The following GNAQ variants were observed in gnomAD, a reference collection of about 807,000 sequenced individuals.
GNAQ encodes guanine nucleotide-binding protein G(q) subunit alpha.
In GNAQ, 8 loss-of-function variants were observed where a neutral mutation model predicts 43.9. The ratio of observed to expected loss-of-function variants is 0.18; its 90% confidence interval spans 0.11 to 0.33. The LOEUF (loss-of-function observed/expected upper bound fraction) is 0.33, where lower values mean the gene tolerates loss of function less well. GNAQ is among the 10% of genes least tolerant of loss of function. GNAQ has a pLI of 1.00. For missense variants in GNAQ, 158 were observed against 450.8 expected (o/e 0.35, Z 5.88); for synonymous variants, 155 against 170.7 (o/e 0.91, Z 0.71).
At chr9:78,026,651 C>G (rs540323276) in intron 1 of GNAQ, among the ~76,000 whole-genome samples, 2 of 152,178 alleles carry the variant, frequency 1.3e-5, no homozygotes, top group African/African-American at 4.8e-5. Flanking sequence ...TAGGTTAATT[C>G]AGGCAATCAA....
At chr9:77,988,942 A>G (rs1194921728) in intron 1 of GNAQ, among the ~76,000 whole-genome samples, 1 of 152,212 alleles carries the variant, frequency 6.6e-6, no homozygotes, top group South Asian at 2.1e-4. Context: ...GATGAGTGTC[A>G]GCTATGGACT....
At chr9:77,956,486 T>C (rs1823042458) in intron 1 of GNAQ, among the ~76,000 whole-genome samples, 2 of 152,268 alleles carry the variant, frequency 1.3e-5, no homozygotes, top group South Asian at 2.1e-4. Flanking sequence ...CCTTTTAGTA[T>C]AGGATCCCTC....
chr9:77,933,384 G>A (rs1829180858), intron 1 of GNAQ, among the ~76,000 whole-genome samples: 2 of 152,168 alleles, frequency 1.3e-5, no homozygotes, highest in Non-Finnish European at 2.9e-5. Flanking sequence ...GGCATCATCT[G>A]GCCAGGAGCG....
At chr9:77,819,961 A>ACCTC (rs1827086117) in intron 2 of GNAQ, among the ~76,000 whole-genome samples, 1 of 151,582 alleles carries the variant, frequency 6.6e-6, no homozygotes, top group African/African-American at 2.4e-5. Flanking sequence ...CTTCCTAATT[A>ACCTC]CCTCCCTCTC....
At chr9:77,996,121 G>C (rs1823564402) in intron 1 of GNAQ, among the ~76,000 whole-genome samples, 2 of 152,190 alleles carry the variant, frequency 1.3e-5, no homozygotes, top group Admixed American at 1.3e-4. Flanking sequence ...CAGGGCTTGG[G>C]AGGCTGCAGA....
chr9:78,022,776 A>G (rs1054319573), intron 1 of GNAQ, among the ~76,000 whole-genome samples: 5 of 152,226 alleles, frequency 3.3e-5, no homozygotes, highest in African/African-American at 1.2e-4. Flanking sequence ...AAGAACGCAT[A>G]CTATAATGAA....
At chr9:77,931,926 T>C (rs918920689) in intron 1 of GNAQ, among the ~76,000 whole-genome samples, 2 of 151,634 alleles carry the variant, frequency 1.3e-5, no homozygotes, top group Non-Finnish European at 1.5e-5. Flanking sequence ...AATGAGAGAG[T>C]AGTCTGATAA....
At chr9:77,905,384 G>A (rs1267185087) in intron 2 of GNAQ, among the ~76,000 whole-genome samples, 1 of 152,118 alleles carries the variant, frequency 6.6e-6, no homozygotes, top group Non-Finnish European at 1.5e-5. Flanking sequence ...TACTGGATTA[G>A]AGTCTCTGGT....
At chr9:78,015,093 T>C (rs10781478) in intron 1 of GNAQ, among the ~76,000 whole-genome samples, 46,846 of 152,124 alleles carry the variant, frequency 0.31, 7,484 homozygotes, top group South Asian at 0.44. Context: ...AAGCTCCATT[T>C]ATGGTAAGTG....
intron 3 of GNAQ, among the ~76,000 whole-genome samples, chr9:77,799,883 T>C (rs1826715512): frequency 6.6e-6 from 1 of 152,196 alleles, no homozygotes; most frequent in Non-Finnish European, 1.5e-5. Context: ...GCTCCAATTA[T>C]TATAAAACTG....
intron 1 of GNAQ, among the ~76,000 whole-genome samples, chr9:77,948,084 A>G (rs940276934): frequency 5.3e-5 from 8 of 152,240 alleles, no homozygotes; most frequent in African/African-American, 1.9e-4. Context: ...ATTGTTATTA[A>G]TATTTATTTC....
chr9:77,803,633 T>G (rs563177088), intron 3 of GNAQ, among the ~76,000 whole-genome samples: 2 of 152,224 alleles, frequency 1.3e-5, no homozygotes, highest in African/African-American at 4.8e-5. Flanking sequence ...GATAGGAAGA[T>G]TCATTGGATA....
intron 2 of GNAQ, among the ~76,000 whole-genome samples, chr9:77,860,065 T>C (rs1048518414): frequency 6.6e-6 from 1 of 152,134 alleles, no homozygotes; most frequent in Non-Finnish European, 1.5e-5. Context: ...TTCAAAGGCG[T>C]CTAACGTCTC....
chr9:77,894,387 A>AAATATATATTTTATATATATATTTAATAG (rs1828462668), intron 2 of GNAQ, among the ~76,000 whole-genome samples: 2 of 1,036 alleles, frequency 1.9e-3, no homozygotes, highest in African/African-American at 5.4e-3. Flanking sequence ...ATTTAATAGA[A>AAATATATATTTTATATATATATTTAATAG]AAAAAATATA....
intron 5 of GNAQ, among the ~76,000 whole-genome samples, chr9:77,785,679 G>A (rs1826465564): frequency 6.6e-6 from 1 of 152,080 alleles, no homozygotes; most frequent in Admixed American, 6.5e-5. Flanking sequence ...TAACAATACT[G>A]TCAGTATCTG....
chr9:77,865,203 A>T (rs1323341616), intron 2 of GNAQ, among the ~76,000 whole-genome samples: 2 of 152,244 alleles, frequency 1.3e-5, no homozygotes, highest in African/African-American at 4.8e-5. Context: ...CACTGAGGCC[A>T]ATCATCAGAT....
intron 5 of GNAQ, among the ~76,000 whole-genome samples, chr9:77,749,171 A>G (rs1190573353): frequency 6.6e-6 from 1 of 151,934 alleles, no homozygotes; most frequent in Non-Finnish European, 1.5e-5. Flanking sequence ...TAGTTTTGGC[A>G]TTTTCTCTCT....
intron 2 of GNAQ, among the ~76,000 whole-genome samples, chr9:77,821,727 G>T (rs957415388): frequency 6.7e-6 from 1 of 149,030 alleles, no homozygotes; most frequent in African/African-American, 2.5e-5. Flanking sequence ...TAGTATGGGT[G>T]TGTGTGTGTG....
chr9:78,001,177 C>A (rs1445412012), intron 1 of GNAQ, among the ~76,000 whole-genome samples: 1 of 152,036 alleles, frequency 6.6e-6, no homozygotes, highest in Non-Finnish European at 1.5e-5. Flanking sequence ...GCAGGCAGAT[C>A]ACTTGAGGTC....
Sources: allele counts gnomAD v4.1 joint callset (sites outside exome capture counted in the v4.1 genomes callset), GRCh38; gene constraint gnomAD v4.1.1; transcripts MANE v1.5; gene names NCBI Gene and HGNC (gene_info 2026-07-23, HGNC 2026-07-21).